The following ENTREP3 variants were observed in gnomAD, a reference collection of about 807,000 sequenced individuals.
ENTREP3 encodes the protein protein ENTREP3.
chr1:155,250,472 C>G, the ENTREP3 span: 1 of 1,479,170 alleles, frequency 6.8e-7, no homozygotes, highest in African/African-American at 1.4e-5. The surrounding 1 kb of genome is among the most constrained non-coding windows in gnomAD (Gnocchi z 5.4). Flanking sequence ...GCCGCCTCAG[C>G]TCGGGGAAGC....
chr1:155,251,821 G>A, the ENTREP3 span: 1 of 1,575,306 alleles, frequency 6.3e-7, no homozygotes. Flanking sequence ...TCCAGGTCCA[G>A]CATGGTGTGT....
the ENTREP3 span, chr1:155,254,774 A>G: frequency 6.2e-7 from 1 of 1,613,862 alleles, no homozygotes; most frequent in Non-Finnish European, 8.5e-7. The surrounding 1 kb of genome is among the most constrained non-coding windows in gnomAD (Gnocchi z 4.4). Context: ...CCCCAGCGTA[A>G]GCAGGGCCTG....
chr1:155,254,335 T>C, the ENTREP3 span: 1 of 1,577,582 alleles, frequency 6.3e-7, no homozygotes, highest in South Asian at 1.1e-5. The surrounding 1 kb of genome is among the most constrained non-coding windows in gnomAD (Gnocchi z 4.4). Context: ...CTTGAGGACA[T>C]AAATGGGCTT....
chr1:155,248,271 C>A, the ENTREP3 span: 1 of 1,600,642 alleles, frequency 6.2e-7, no homozygotes, highest in Non-Finnish European at 8.5e-7. Flanking sequence ...GGGCAGCGGG[C>A]TAGGCGGAAG....
chr1:155,250,172 C>T, the ENTREP3 span: 1 of 1,002,038 alleles, frequency 1.0e-6, no homozygotes, highest in Non-Finnish European at 1.4e-6. The surrounding 1 kb of genome is among the most constrained non-coding windows in gnomAD (Gnocchi z 5.4). Context: ...CTTTCTTCCT[C>T]CTCAGGGACC....
At chr1:155,252,055 G>T in the ENTREP3 span, 9 of 562,412 alleles carry the variant, frequency 1.6e-5, no homozygotes, top group Non-Finnish European at 1.8e-5. Flanking sequence ...CCCAAAATCA[G>T]CTCTCCTTAA....
the ENTREP3 span, chr1:155,250,587 C>G: frequency 6.2e-7 from 1 of 1,604,498 alleles, no homozygotes; most frequent in Non-Finnish European, 8.5e-7. The surrounding 1 kb of genome is among the most constrained non-coding windows in gnomAD (Gnocchi z 5.4). Context: ...GGAATAGGAG[C>G]GGGCAGCCCG....
the ENTREP3 span, chr1:155,255,050 G>C: frequency 1.6e-6 from 1 of 610,578 alleles, no homozygotes; most frequent in Non-Finnish European, 2.9e-6. This position sits in a 1 kb window ranked among gnomAD's most constrained non-coding sequence, Gnocchi z 5.6. Flanking sequence ...GGGGGGCCAA[G>C]CGAGGGGCGT....
the ENTREP3 span, chr1:155,252,120 T>C: frequency 2.2e-6 from 1 of 454,628 alleles, no homozygotes; most frequent in Admixed American, 4.3e-5. Flanking sequence ...CAAATTCCTC[T>C]TTATGGCCCC....
At chr1:155,255,201 G>T in the ENTREP3 span, 1 of 460,654 alleles carries the variant, frequency 2.2e-6, no homozygotes, top group South Asian at 2.7e-5. This position sits in a 1 kb window ranked among gnomAD's most constrained non-coding sequence, Gnocchi z 5.6. Flanking sequence ...CGGTCCAGGA[G>T]TGAGGAGGGG....
the ENTREP3 span, chr1:155,251,055 C>A: frequency 1.4e-5 from 22 of 1,573,690 alleles, no homozygotes; most frequent in African/African-American, 2.6e-4. Context: ...CTATCCCTGG[C>A]AGCCCCGCCC....
chr1:155,253,637 G>A, the ENTREP3 span: 1 of 1,613,316 alleles, frequency 6.2e-7, no homozygotes, highest in Non-Finnish European at 8.5e-7. Context: ...TATGCACGAG[G>A]TCCAGGGAGA....
chr1:155,249,914 C>T, the ENTREP3 span, among the ~76,000 whole-genome samples: 6 of 149,410 alleles, frequency 4.0e-5, no homozygotes, highest in Admixed American at 2.7e-4. Flanking sequence ...AAATATTAGC[C>T]GGTCATGGTG....
the ENTREP3 span, chr1:155,250,955 TC>T: frequency 8.1e-7 from 1 of 1,238,026 alleles, no homozygotes; most frequent in Non-Finnish European, 1.1e-6. The surrounding 1 kb of genome is among the most constrained non-coding windows in gnomAD (Gnocchi z 5.4). Context: ...GAAAAATAAG[TC>T]CAGGGTTCCA....
At chr1:155,250,347 G>C in the ENTREP3 span, 4 of 1,547,110 alleles carry the variant, frequency 2.6e-6, no homozygotes, top group South Asian at 4.8e-5. This position sits in a 1 kb window ranked among gnomAD's most constrained non-coding sequence, Gnocchi z 5.4. Flanking sequence ...TGGGGATGCC[G>C]GATGAGGAGG....
the ENTREP3 span, chr1:155,250,468 T>C: frequency 8.8e-6 from 13 of 1,476,388 alleles, no homozygotes; most frequent in Non-Finnish European, 2.7e-6. This position sits in a 1 kb window ranked among gnomAD's most constrained non-coding sequence, Gnocchi z 5.4. Context: ...ACCCGCCGCC[T>C]CAGCTCGGGG....
At chr1:155,252,567 G>A in the ENTREP3 span, among the ~76,000 whole-genome samples, 3 of 144,946 alleles carry the variant, frequency 2.1e-5, no homozygotes, top group Admixed American at 7.0e-5. Flanking sequence ...ATAGGGTTTC[G>A]CCATGTTGGC....
chr1:155,254,334 A>G, the ENTREP3 span: 12 of 1,576,834 alleles, frequency 7.6e-6, no homozygotes, highest in Admixed American at 1.3e-4. This position sits in a 1 kb window ranked among gnomAD's most constrained non-coding sequence, Gnocchi z 4.4. Flanking sequence ...TCTTGAGGAC[A>G]TAAATGGGCT....
the ENTREP3 span, chr1:155,251,982 C>G: frequency 9.6e-7 from 1 of 1,045,298 alleles, no homozygotes; most frequent in East Asian, 3.0e-5. Context: ...ACTCCTCTCT[C>G]ATCTACATTA....
Sources: gnomAD v4.1 joint callset for allele counts (sites outside exome capture counted in the v4.1 genomes callset) on GRCh38, gnomAD v4.1.1 for gene constraint, Gnocchi (gnomAD v3.1) non-coding constraint, MANE v1.5 for transcripts, NCBI Gene and HGNC (gene_info 2026-07-23, HGNC 2026-07-21) for gene names.